The following SPIDR variants were observed in gnomAD, a reference collection of about 807,000 sequenced individuals.
The protein encoded by SPIDR is scaffold protein involved in DNA repair, also known as DNA repair-scaffolding protein.
In SPIDR, 93 loss-of-function variants were observed where a neutral mutation model predicts 104.6. The observed-to-expected ratio is 0.89, with a 90% CI of 0.75 to 1.06. The LOEUF is 1.06. Ranked by LOEUF, SPIDR falls within the 50% of genes least tolerant of loss-of-function variation. The pLI, the probability that SPIDR is intolerant of heterozygous loss-of-function variation, is 0.00. For missense variants in SPIDR, 1,154 were observed against 1,111.2 expected (o/e 1.04, Z -0.55); for synonymous variants, 431 against 416.9 (o/e 1.03, Z -0.41).
At chr8:47,490,370 A>C (rs552351748) in intron 8 of SPIDR, among the ~76,000 whole-genome samples, 1 of 152,362 alleles carries the variant, frequency 6.6e-6, no homozygotes, top group African/African-American at 2.4e-5. Context: ...GAGGATGTGG[A>C]GAAACAGGAA....
intron 8 of SPIDR, among the ~76,000 whole-genome samples, chr8:47,501,801 A>G (rs1190799359): frequency 6.6e-6 from 1 of 152,094 alleles, no homozygotes; most frequent in African/African-American, 2.4e-5. Context: ...AGCTCTTATT[A>G]TTTTGAGATA....
At chr8:47,360,587 C>T (rs983167816) in intron 5 of SPIDR, among the ~76,000 whole-genome samples, 3 of 152,212 alleles carry the variant, frequency 2.0e-5, no homozygotes, top group African/African-American at 7.2e-5. Context: ...GGCTGAGCAC[C>T]GGGGCTGTTG....
chr8:47,364,893 T>C (rs1190820896), intron 5 of SPIDR, among the ~76,000 whole-genome samples: 3 of 152,218 alleles, frequency 2.0e-5, no homozygotes, highest in African/African-American at 7.2e-5. Context: ...AGGTAGCAGA[T>C]GGATGGGCCT....
rs1207931051 is a variant in SPIDR at position 47,416,747 on chromosome 8, A to G, written c.877+8786A>G. ...TAACTCGTCATTTAACATTAGGTAT[A>G]TCTCCTAATGCTATCCCTCCACCCT... On this transcript the variant is annotated intron_variant, in intron 7 of 19. Transcript: ENST00000297423. Among the ~76,000 whole-genome samples the G allele has an allele frequency of 2.6e-5, 4 of 152,176 alleles. No individual in the cohort carries two copies. In the East Asian group the frequency reaches 5.8e-4, roughly 22 times the overall value.
chr8:47,356,451 T>C (rs1254150225), intron 5 of SPIDR, among the ~76,000 whole-genome samples: 1 of 152,094 alleles, frequency 6.6e-6, no homozygotes, highest in Non-Finnish European at 1.5e-5. Context: ...CCTGATATAA[T>C]CAAAATTTGC....
chr8:47,570,961 GGC>G (rs2058447198), intron 8 of SPIDR, among the ~76,000 whole-genome samples: 5 of 151,966 alleles, frequency 3.3e-5, no homozygotes, highest in African/African-American at 1.2e-4. Flanking sequence ...TGTAGTGGTG[GGC>G]GCCTGTAGTC....
At chr8:47,675,783 A>G (rs2076361188) in intron 11 of SPIDR, among the ~76,000 whole-genome samples, 1 of 152,256 alleles carries the variant, frequency 6.6e-6, no homozygotes, top group Non-Finnish European at 1.5e-5. Flanking sequence ...ACTGCACTCC[A>G]GCCTGGGTGA....
At chr8:47,336,484 A>G (rs1293007246) in intron 5 of SPIDR, among the ~76,000 whole-genome samples, 1 of 152,228 alleles carries the variant, frequency 6.6e-6, no homozygotes, top group East Asian at 1.9e-4. Context: ...GGGTTTAGGT[A>G]GCAGGAAAAA....
At chr8:47,466,933 A>G in intron 8 of SPIDR, among the ~76,000 whole-genome samples, 1 of 147,340 alleles carries the variant, frequency 6.8e-6, no homozygotes, top group African/African-American at 2.5e-5. Context: ...AGATAGATAG[A>G]TAGATAGATA....
At position 47,702,077 on chromosome 8, in the gene SPIDR, TCTCTCTCTCTCTCTCTCTCTTACACACA is replaced by T. The variant is rs1434484071; in HGVS notation, c.1977+64_1977+91del. On this transcript the variant is annotated intron_variant, in intron 14 of 19. Coordinates refer to ENST00000297423, the MANE Select transcript of SPIDR (RefSeq NM_001080394.4). ...TTCTCTCTCTCTCTCTCTCTCTCTC[TCTCTCTCTCTCTCTCTCTCTTACACACA>T]CACACACACACACACACACACACAC... 1.7e-3 allele frequency: 952 copies of T among 573,518 alleles called. 1 individual carries two copies. Among genetic ancestry groups the T allele is most frequent in the East Asian group, 7.9e-3 (231 of 29,410 alleles). 35.5% of individuals were successfully genotyped at this position (573,518 alleles called of 1,614,324 possible).
At chr8:47,646,773 C>T (rs1201370212) in intron 10 of SPIDR, among the ~76,000 whole-genome samples, 3 of 152,086 alleles carry the variant, frequency 2.0e-5, no homozygotes, top group African/African-American at 4.8e-5. Context: ...GGATGGAGGA[C>T]GGGAGCTGGA....
chr8:47,614,435 G>C (rs1444314732), intron 10 of SPIDR, among the ~76,000 whole-genome samples: 1 of 152,086 alleles, frequency 6.6e-6, no homozygotes, highest in East Asian at 1.9e-4. Flanking sequence ...TGTTGGCCAG[G>C]ATGGTCTTGA....
intron 6 of SPIDR, among the ~76,000 whole-genome samples, chr8:47,407,376 GACTGGAACTCTGAGCC>G (rs1369804045): frequency 6.6e-6 from 1 of 152,144 alleles, no homozygotes; most frequent in Non-Finnish European, 1.5e-5. Context: ...AGTTATTCTT[GACTGGAACTCTGAGCC>G]CACTTTACAT....
intron 5 of SPIDR, among the ~76,000 whole-genome samples, chr8:47,390,015 A>G (rs957853347): frequency 1.2e-4 from 19 of 152,344 alleles, no homozygotes; most frequent in African/African-American, 4.6e-4. Context: ...CCAATTAACA[A>G]GTGCAAAGAG....
intron 8 of SPIDR, among the ~76,000 whole-genome samples, chr8:47,462,828 G>A (rs1416023020): frequency 6.6e-6 from 1 of 152,138 alleles, no homozygotes; most frequent in East Asian, 1.9e-4. Flanking sequence ...ACTTTAGCTA[G>A]ATTGACCACG....
At chr8:47,372,834 T>C (rs1308594452) in intron 5 of SPIDR, among the ~76,000 whole-genome samples, 1 of 152,138 alleles carries the variant, frequency 6.6e-6, no homozygotes, top group Non-Finnish European at 1.5e-5. Context: ...ATAATGAACA[T>C]TGTACCTGAT....
rs201397010 is a variant in SPIDR, at chr8:47,599,099, C to A, written c.1447C>A (p.Arg483=). 2 of 1,612,424 alleles carry A rather than the reference C, an allele frequency of 1.2e-6. No homozygotes were observed. Among genetic ancestry groups the A allele is most frequent in the African/African-American group, 2.7e-5 (2 of 74,846 alleles). ...TGCCTCGTGGCCAGGAGCTGGAGTC[C>A]GAGTGGTGGTGCAAAGAGTGTATTC... ...GAASWPGAGV[R]VVVQRVYSLP... is the part of the protein sequence containing the mutation. Residue 483 remains arginine (R), a synonymous_variant, in exon 10 of 20, where the codon CGA becomes AGA. Coordinates refer to ENST00000297423, the MANE Select transcript of SPIDR (RefSeq NM_001080394.4).
intron 5 of SPIDR, among the ~76,000 whole-genome samples, chr8:47,297,328 G>GGAAAAA (rs2041040269): frequency 6.6e-6 from 1 of 152,154 alleles, no homozygotes; most frequent in African/African-American, 2.4e-5. Context: ...CAGGGAGCAT[G>GGAAAAA]GCAGCTGTGG....
intron 8 of SPIDR, among the ~76,000 whole-genome samples, chr8:47,588,116 C>A (rs2154417236): frequency 8.9e-6 from 1 of 112,440 alleles, no homozygotes; most frequent in African/African-American, 3.4e-5. Context: ...CAAAATCATG[C>A]TGGAATTGAT....
Sources: gnomAD v4.1 joint callset for allele counts (sites outside exome capture counted in the v4.1 genomes callset) on GRCh38, gnomAD v4.1.1 for gene constraint, MANE v1.5 for transcripts, NCBI Gene and HGNC (gene_info 2026-07-23, HGNC 2026-07-21) for gene names.